Variants in SNX9 observed in about 807,000 individuals in gnomAD.
SNX9 encodes sorting nexin 9, also known as sorting nexin-9.
SNX9 carries 44 observed loss-of-function variants against 89.4 expected under a neutral mutation model. The observed-to-expected ratio is 0.49, with a 90% CI of 0.39 to 0.63. The LOEUF (loss-of-function observed/expected upper bound fraction) is 0.63. Ranked by LOEUF, SNX9 falls within the 30% of genes least tolerant of loss-of-function variation. The pLI is 0.00. For synonymous variants in SNX9, 236 were observed against 247.8 expected (o/e 0.95, Z 0.45); for missense variants, 578 against 736.1 (o/e 0.79, Z 2.49).
intron 4 of SNX9, 85 bp downstream of exon 4, chr6:157,875,261 A>G: frequency 6.8e-7 from 1 of 1,463,262 alleles, no homozygotes; most frequent in Non-Finnish European, 9.1e-7. Flanking sequence ...CATTATAGCT[A>G]TTGCCATTCC....
At chr6:157,847,747 T>C (rs939743322) in intron 1 of SNX9, among the ~76,000 whole-genome samples, 2 of 152,288 alleles carry the variant, frequency 1.3e-5, no homozygotes, top group Non-Finnish European at 1.5e-5. Flanking sequence ...TCCTGTAACA[T>C]ATTTTTCAGT....
At chr6:157,877,085 C>A (rs1562602255) in intron 4 of SNX9, among the ~76,000 whole-genome samples, 1 of 152,122 alleles carries the variant, frequency 6.6e-6, no homozygotes, top group East Asian at 1.9e-4. Flanking sequence ...TATTTTAATT[C>A]TAGGGACTGA....
intron 4 of SNX9, among the ~76,000 whole-genome samples, chr6:157,893,681 A>G (rs1782912035): frequency 6.6e-6 from 1 of 152,132 alleles, no homozygotes; most frequent in African/African-American, 2.4e-5. Context: ...GTTATGAAAT[A>G]GATTCAGTAC....
chr6:157,933,409 C>T (rs1252192370), intron 13 of SNX9, among the ~76,000 whole-genome samples: 1 of 152,208 alleles, frequency 6.6e-6, no homozygotes, highest in African/African-American at 2.4e-5. Context: ...ATACTCAAGG[C>T]AGACAGTGCT....
At chr6:157,856,808 C>G (rs2115125786) in intron 1 of SNX9, among the ~76,000 whole-genome samples, 1 of 152,090 alleles carries the variant, frequency 6.6e-6, no homozygotes, top group South Asian at 2.1e-4. Flanking sequence ...TGAATAGATT[C>G]ACATTCTTTT....
chr6:157,914,475 T>C (rs889895636), intron 9 of SNX9, among the ~76,000 whole-genome samples: 4 of 126,790 alleles, frequency 3.2e-5, no homozygotes, highest in Non-Finnish European at 6.6e-5. Flanking sequence ...TTTTCTTTTT[T>C]TTTTTTTTTT....
At chr6:157,904,617 A>G (rs1426491816) in intron 6 of SNX9, among the ~76,000 whole-genome samples, 1 of 152,070 alleles carries the variant, frequency 6.6e-6, no homozygotes, top group Non-Finnish European at 1.5e-5. Context: ...AGACTGAGGC[A>G]GGATAATCGC....
At chr6:157,910,924 A>G (rs1463356657) in intron 9 of SNX9, among the ~76,000 whole-genome samples, 1 of 152,096 alleles carries the variant, frequency 6.6e-6, no homozygotes, top group Non-Finnish European at 1.5e-5. Context: ...GATCGAGACC[A>G]TCCAGGCTAA....
chr6:157,896,088 C>T (rs945363408), intron 4 of SNX9, among the ~76,000 whole-genome samples: 1 of 152,154 alleles, frequency 6.6e-6, no homozygotes, highest in Admixed American at 6.5e-5. Flanking sequence ...AGTGGGAGTG[C>T]TCGTTCTAGA....
Position 157,823,581 on chromosome 6 carries a change from C to T in SNX9, c.12+135C>T, listed in dbSNP as rs1295883282. The T allele has an allele frequency of 1.1e-5, 8 of 728,728 alleles. No homozygotes were observed. Among genetic ancestry groups the T allele is most frequent in the Non-Finnish European group, 1.3e-5 (7 of 559,868 alleles). 45.1% of individuals were successfully genotyped at this position (728,728 alleles called of 1,614,324 possible). A position where few individuals can be genotyped will look rare whatever the true frequency, so the allele number is the denominator to read the frequency against. On this transcript the variant is annotated intron_variant, in intron 1 of 17. Coordinates refer to ENST00000392185, the MANE Select transcript of SNX9 (RefSeq NM_016224.5). The surrounding 1 kb of genome is among the most constrained non-coding windows in gnomAD (Gnocchi z 4.6). Reference sequence around the variant, plus strand: ...CACTCCGCTTCCTCGGTGGAGTCCCCGGGCGGGTCCGCGGCCCAGCCAGTC... The same window carrying T: ...CACTCCGCTTCCTCGGTGGAGTCCCTGGGCGGGTCCGCGGCCCAGCCAGTC...
At chr6:157,922,172 G>T (rs557613188) in intron 10 of SNX9, among the ~76,000 whole-genome samples, 1 of 152,322 alleles carries the variant, frequency 6.6e-6, no homozygotes, top group African/African-American at 2.4e-5. Context: ...TGCCCCTGTG[G>T]CCTGTAGTCT....
chr6:157,894,195 C>T (rs9458792), intron 4 of SNX9, among the ~76,000 whole-genome samples: 32,407 of 144,640 alleles, frequency 0.22, 3,771 homozygotes, highest in African/African-American at 0.26. Context: ...TTGCAATCTC[C>T]GCCTCCTGGA....
intron 4 of SNX9, among the ~76,000 whole-genome samples, chr6:157,886,787 A>G (rs768373535): frequency 6.6e-6 from 1 of 152,216 alleles, no homozygotes; most frequent in African/African-American, 2.4e-5. Context: ...ATAGTGACCA[A>G]TGAAGAAAGC....
rs1022931994 is a variant in SNX9, at chr6:157,927,024, T to G, written c.1081-87T>G. 10 of 944,552 alleles carry G rather than the reference T, an allele frequency of 1.1e-5. No individual in the cohort carries two copies. The African/African-American group carries it at 1.3e-4, about 12-fold the overall frequency. 58.5% of individuals were successfully genotyped at this position (944,552 alleles called of 1,614,324 possible). On this transcript the variant is annotated intron_variant, in intron 10 of 17. Coordinates refer to ENST00000392185, the MANE Select transcript of SNX9 (RefSeq NM_016224.5). ...TTCCTGAAAATTAGAAAGATAAAGG[T>G]GATAAATGAGCTGGTCCTGTTTGGG...
intron 4 of SNX9, among the ~76,000 whole-genome samples, chr6:157,891,103 C>T (rs576638671): frequency 1.2e-4 from 17 of 142,892 alleles, no homozygotes; most frequent in Admixed American, 1.2e-3. Context: ...GTGAACTCGG[C>T]TCACTGCAAC....
intron 9 of SNX9, among the ~76,000 whole-genome samples, chr6:157,916,285 C>T (rs1413996594): frequency 2.6e-5 from 4 of 152,178 alleles, no homozygotes; most frequent in African/African-American, 9.7e-5. Flanking sequence ...TCACCCGCCT[C>T]GGCCTCCCAA....
At chr6:157,906,278 C>T (rs1783214129) in intron 7 of SNX9, 66 bp downstream of exon 7, 1 of 1,252,224 alleles carries the variant, frequency 8.0e-7, no homozygotes, top group African/African-American at 1.5e-5. Flanking sequence ...TACTTTAAAG[C>T]TAAGCGAGTT....
chr6:157,853,442 T>C (rs887724704), intron 1 of SNX9, among the ~76,000 whole-genome samples: 1 of 152,212 alleles, frequency 6.6e-6, no homozygotes, highest in Non-Finnish European at 1.5e-5. Context: ...GTGGTTTTTT[T>C]CCTGTGGAAT....
At chr6:157,851,678 C>T (rs1429482654) in intron 1 of SNX9, among the ~76,000 whole-genome samples, 1 of 152,200 alleles carries the variant, frequency 6.6e-6, no homozygotes, top group Non-Finnish European at 1.5e-5. Flanking sequence ...CACCCTCCAC[C>T]TCCAGGGTTC....
Sources: gnomAD v4.1 joint callset for allele counts (sites outside exome capture counted in the v4.1 genomes callset) on GRCh38, gnomAD v4.1.1 for gene constraint, Gnocchi (gnomAD v3.1) non-coding constraint, MANE v1.5 for transcripts, NCBI Gene and HGNC (gene_info 2026-07-23, HGNC 2026-07-21) for gene names.